The following IL7 variants were observed in gnomAD, a reference collection of about 807,000 sequenced individuals.
IL7 encodes interleukin-7.
IL7 carries 3 observed loss-of-function variants against 21.6 expected under a neutral mutation model. The observed-to-expected ratio is 0.14, with a 90% CI of 0.06 to 0.36. The LOEUF is 0.36. Among genes scored for constraint, IL7 ranks in the 10% least tolerant of loss-of-function variants. IL7 has a pLI of 1.00. For synonymous variants in IL7, 62 were observed against 68.1 expected, an observed-to-expected ratio of 0.91 and a Z score of 0.44; for missense variants, 175 against 200.2, an observed-to-expected ratio of 0.87 and a Z score of 0.76.
chr8:78,690,583 C>A (rs1303297198), intron 3 of IL7, among the ~76,000 whole-genome samples: 1 of 151,592 alleles, frequency 6.6e-6, no homozygotes. Context: ...AAACTTTGGC[C>A]ATTCTTGATT....
chr8:78,780,295 GTTCTCTAGTTC>G (rs1416531963), intron 2 of IL7, among the ~76,000 whole-genome samples: 1 of 151,840 alleles, frequency 6.6e-6, no homozygotes, highest in Admixed American at 6.6e-5. Context: ...TTTGCCCTTG[GTTCTCTAGTTC>G]TTTTCATTGT....
intron 3 of IL7, among the ~76,000 whole-genome samples, chr8:78,687,550 T>A (rs1426623860): frequency 2.1e-5 from 3 of 143,304 alleles, no homozygotes; most frequent in Non-Finnish European, 3.0e-5. Flanking sequence ...ATAATAAATT[T>A]TATATTTACA....
chr8:78,689,475 C>A, intron 3 of IL7: 1 of 1,111,872 alleles, frequency 9.0e-7, no homozygotes, highest in Admixed American at 3.2e-5. Context: ...ATTTTTCTCA[C>A]CTGCTTTTAT....
chr8:78,685,101 A>G (rs1022587848), intron 4 of IL7, among the ~76,000 whole-genome samples: 2 of 152,198 alleles, frequency 1.3e-5, no homozygotes, highest in African/African-American at 4.8e-5. Flanking sequence ...ACTGGTACTA[A>G]CAAAGGATAG....
chr8:78,741,909 GAAAA>G (rs983644329), intron 2 of IL7, among the ~76,000 whole-genome samples: 13 of 152,086 alleles, frequency 8.5e-5, no homozygotes, highest in Non-Finnish European at 1.3e-4. Flanking sequence ...ACATGGTGTT[GAAAA>G]GAAACTTAGA....
chr8:78,695,480 C>A (rs1810370189), intron 3 of IL7, among the ~76,000 whole-genome samples: 1 of 152,124 alleles, frequency 6.6e-6, no homozygotes, highest in African/African-American at 2.4e-5. Flanking sequence ...TTATGCTAAT[C>A]ATTTTGCTCT....
rs777362621 is a variant in IL7 at position 78,738,607 on chromosome 8, C to G, written c.257G>C (p.Arg86Pro). The G allele has an allele frequency of 6.2e-7, 1 of 1,613,404 alleles. No individual in the cohort carries two copies. Among genetic ancestry groups the G allele is most frequent in the Non-Finnish European group, 8.5e-7 (1 of 1,179,682 alleles). Residue 86 changes from arginine (R) to proline (P), a missense_variant, in exon 4 of 6, where the codon CGC becomes CCC. Coordinates refer to ENST00000263851, the MANE Select transcript of IL7 (RefSeq NM_000880.4). ...CATTTTAAGAAATTGCCTCAACTTG[C>G]GAGCAGCACGGAATAAAAACATACC... ...KEGMFLFRAARKLRQFLKMNS... is the reference protein window; with the variant it reads ...KEGMFLFRAAPKLRQFLKMNS...
chr8:78,697,935 C>T (rs188069947), intron 3 of IL7, among the ~76,000 whole-genome samples: 40 of 152,158 alleles, frequency 2.6e-4, no homozygotes, highest in Admixed American at 1.4e-3. Flanking sequence ...ACCTGAGCCT[C>T]CTAAAGTGCT....
chr8:78,728,676 G>A (rs1554535895), downstream of IL7, among the ~76,000 whole-genome samples: 2 of 151,946 alleles, frequency 1.3e-5, no homozygotes, highest in African/African-American at 2.4e-5. Flanking sequence ...GTTTCAAGTG[G>A]TAGTAACTTT....
At chr8:78,743,500 A>G (rs1811870188) in intron 2 of IL7, among the ~76,000 whole-genome samples, 1 of 149,214 alleles carries the variant, frequency 6.7e-6, no homozygotes, top group South Asian at 2.2e-4. Flanking sequence ...TTTTTTCTCT[A>G]CATTTGTCTG....
At chr8:78,708,187 T>C (rs1810838617) in intron 3 of IL7, among the ~76,000 whole-genome samples, 1 of 152,226 alleles carries the variant, frequency 6.6e-6, no homozygotes, top group East Asian at 1.9e-4. Context: ...TAATGCTCAA[T>C]AAATTGAGCA....
chr8:78,765,846 A>C (rs1812739191), intron 2 of IL7, among the ~76,000 whole-genome samples: 3 of 152,134 alleles, frequency 2.0e-5, no homozygotes, highest in Admixed American at 2.0e-4. Context: ...GAATTTGAAA[A>C]TTTGTGGCCA....
chr8:78,755,184 T>C (rs1169268560), intron 2 of IL7, among the ~76,000 whole-genome samples: 1 of 151,968 alleles, frequency 6.6e-6, no homozygotes, highest in Non-Finnish European at 1.5e-5. Context: ...ATTCCCTTGG[T>C]CTATGTGTCT....
intron 2 of IL7, among the ~76,000 whole-genome samples, chr8:78,767,585 C>A (rs1424801478): frequency 6.6e-6 from 1 of 151,920 alleles, no homozygotes; most frequent in Non-Finnish European, 1.5e-5. Context: ...TTTCTCAGTC[C>A]TCCCATAACC....
At chr8:78,708,762 C>T (rs1432085460) in intron 3 of IL7, among the ~76,000 whole-genome samples, 1 of 150,266 alleles carries the variant, frequency 6.7e-6, no homozygotes, top group African/African-American at 2.5e-5. Flanking sequence ...CTCACCGTAA[C>T]CTCCGCCTCC....
intron 2 of IL7, among the ~76,000 whole-genome samples, chr8:78,764,573 C>G (rs950307888): frequency 4.0e-5 from 6 of 151,840 alleles, no homozygotes; most frequent in Admixed American, 3.3e-4. Context: ...CCCATTGCCA[C>G]TTTATGTTAG....
chr8:78,732,448 C>G (rs998441559), downstream of IL7, among the ~76,000 whole-genome samples: 3 of 152,092 alleles, frequency 2.0e-5, no homozygotes, highest in Non-Finnish European at 2.9e-5. Flanking sequence ...CCCATCAGCA[C>G]ATAACTAGAT....
chr8:78,728,582 C>T (rs1239200117), downstream of IL7, among the ~76,000 whole-genome samples: 1 of 152,008 alleles, frequency 6.6e-6, no homozygotes, highest in Non-Finnish European at 1.5e-5. Flanking sequence ...TAAAATGAAA[C>T]TTGATACACA....
chr8:78,709,718 C>T (rs919900613), intron 3 of IL7, among the ~76,000 whole-genome samples: 1 of 141,632 alleles, frequency 7.1e-6, no homozygotes, highest in African/African-American at 2.6e-5. Flanking sequence ...AGCTGATGAA[C>T]TAAAAAAAAA....
Sources: gnomAD v4.1 joint callset for allele counts (sites outside exome capture counted in the v4.1 genomes callset) on GRCh38, gnomAD v4.1.1 for gene constraint, MANE v1.5 for transcripts, NCBI Gene and HGNC (gene_info 2026-07-23, HGNC 2026-07-21) for gene names.